Variants in GRID2 observed in about 807,000 individuals in gnomAD.
GRID2 encodes the protein glutamate ionotropic receptor delta type subunit 2.
In GRID2, 33 loss-of-function variants were observed where a neutral mutation model predicts 114.8. The ratio of observed to expected loss-of-function variants is 0.29; its 90% CI spans 0.22 to 0.38. The LOEUF (loss-of-function observed/expected upper bound fraction) is 0.38, where lower values mean the gene tolerates loss of function less well. GRID2 is among the 10% of genes least tolerant of loss of function. GRID2 has a pLI of 1.00. For synonymous variants in GRID2, 505 were observed against 449.9 expected, an observed-to-expected ratio of 1.12 and a Z score of -1.55; for missense variants, 1,184 against 1,257.7, an observed-to-expected ratio of 0.94 and a Z score of 0.89.
At chr4:92,928,537 G>A (rs1485857881) in intron 2 of GRID2, among the ~76,000 whole-genome samples, 1 of 151,562 alleles carries the variant, frequency 6.6e-6, no homozygotes, top group Non-Finnish European at 1.5e-5. Context: ...TAGTTCTGCA[G>A]CATAATATAT....
chr4:92,367,864 G>A (rs192594912), intron 1 of GRID2, among the ~76,000 whole-genome samples: 1 of 152,166 alleles, frequency 6.6e-6, no homozygotes, highest in African/African-American at 2.4e-5. Context: ...TATATAACTT[G>A]TCTTCTTAGA....
intron 2 of GRID2, among the ~76,000 whole-genome samples, chr4:92,927,291 C>G (rs1272819500): frequency 6.6e-6 from 1 of 151,850 alleles, no homozygotes. Context: ...AACTGTGAAT[C>G]TGATGTTTTA....
At chr4:92,558,500 T>C (rs1189187356) in intron 1 of GRID2, among the ~76,000 whole-genome samples, 1 of 152,178 alleles carries the variant, frequency 6.6e-6, no homozygotes, top group Non-Finnish European at 1.5e-5. Context: ...TGAAATTCAC[T>C]CCACCTGAAA....
chr4:92,954,291 C>T (rs1007162935), intron 2 of GRID2, among the ~76,000 whole-genome samples: 14 of 151,986 alleles, frequency 9.2e-5, no homozygotes, highest in Non-Finnish European at 1.8e-4. Context: ...ATGCACACAT[C>T]AACTTTTTGG....
At chr4:92,376,579 A>G (rs1215226729) in intron 1 of GRID2, among the ~76,000 whole-genome samples, 3 of 152,122 alleles carry the variant, frequency 2.0e-5, no homozygotes, top group Non-Finnish European at 4.4e-5. Flanking sequence ...GTGCCCCATT[A>G]GGGACTCTGT....
intron 3 of GRID2, among the ~76,000 whole-genome samples, chr4:93,101,948 CA>C (rs1731744271): frequency 6.6e-6 from 1 of 151,966 alleles, no homozygotes; most frequent in Admixed American, 6.6e-5. Flanking sequence ...ATTAAAATAT[CA>C]TTTCCTGTTT....
chr4:93,011,567 C>T (rs1317617390), intron 2 of GRID2, among the ~76,000 whole-genome samples: 2 of 152,010 alleles, frequency 1.3e-5, no homozygotes, highest in South Asian at 2.1e-4. Context: ...AAATACTTAC[C>T]ATTTCAGAGA....
chr4:93,769,364 G>T lies in GRID2; in HGVS notation c.2515G>T (p.Ala839Ser). 6.2e-7 allele frequency: 1 copy of T among 1,614,038 alleles called. No homozygotes were observed. The highest frequency in any genetic ancestry group is 8.5e-7 in the Non-Finnish European group (1 of 1,179,956). Residue 839 changes from alanine to serine, a missense_variant, in exon 15 of 16, where the codon GCT becomes TCT. Ala to Ser is a moderately conservative substitution (Grantham distance 99, BLOSUM62 1). This residue lies in a region of GRID2 where 717 missense variants were observed against 796.9 expected (regional missense o/e 0.90). Transcript: ENST00000282020. The stretch of plus-strand genomic sequence containing the variant: ...CTTTGCAGGGGTCTTTTGTATCCTG[G>T]CTGCTGGAATTGTCCTCTCCTGCTT... ...KSFAGVFCIL[A>S]AGIVLSCFIA... is the part of the protein sequence containing the mutation.
At position 92,599,028 on chromosome 4, in the gene GRID2, CTT is replaced by C. The variant is rs79836874; in HGVS notation, c.244+8762_244+8763del. Among the ~76,000 whole-genome samples the C allele has an allele frequency of 5.7e-3, 654 of 115,230 alleles. 7 individuals carry two copies. The highest frequency in any genetic ancestry group is 0.02 in the African/African-American group (592 of 29,568). 75.6% of individuals were successfully genotyped at this position (115,230 alleles called of 152,430 possible). A position where few individuals can be genotyped will look rare whatever the true frequency, so the allele number is the denominator to read the frequency against. ...AAATATATATAATGAAATGCTTTTCCTTTTTTTTTTTTTTTTTTTTTCCTGTC... is the reference window on the plus strand; with the variant it reads ...AAATATATATAATGAAATGCTTTTCCTTTTTTTTTTTTTTTTTTTCCTGTC... On this transcript the variant is annotated intron_variant, in intron 2 of 15. Transcript: ENST00000282020.
At chr4:92,817,121 C>A (rs2149383633) in intron 2 of GRID2, among the ~76,000 whole-genome samples, 1 of 152,174 alleles carries the variant, frequency 6.6e-6, no homozygotes, top group East Asian at 1.9e-4. Context: ...ATCCAGCTGG[C>A]CACTAAGTCA....
chr4:92,901,225 C>G (rs1747560568), intron 2 of GRID2, among the ~76,000 whole-genome samples: 1 of 152,124 alleles, frequency 6.6e-6, no homozygotes, highest in Non-Finnish European at 1.5e-5. Flanking sequence ...TCTCCACATC[C>G]TTGCCAAAAT....
At chr4:93,055,118 T>C (rs1165488251) in intron 2 of GRID2, among the ~76,000 whole-genome samples, 2 of 151,946 alleles carry the variant, frequency 1.3e-5, no homozygotes, top group South Asian at 2.1e-4. Flanking sequence ...ACTTTAATCC[T>C]TTATTTACAT....
At chr4:93,357,685 A>G (rs1330406696) in intron 8 of GRID2, among the ~76,000 whole-genome samples, 1 of 151,558 alleles carries the variant, frequency 6.6e-6, no homozygotes, top group Non-Finnish European at 1.5e-5. Context: ...TTGCAGCAAT[A>G]TAGTTTATAT....
intron 2 of GRID2, among the ~76,000 whole-genome samples, chr4:92,640,147 T>C (rs1268625840): frequency 1.3e-5 from 2 of 151,788 alleles, no homozygotes; most frequent in Middle Eastern, 3.2e-3. Flanking sequence ...TAATACCGTT[T>C]TACACAAAAT....
intron 2 of GRID2, among the ~76,000 whole-genome samples, chr4:92,842,463 C>A (rs191008470): frequency 2.0e-5 from 3 of 152,108 alleles, no homozygotes; most frequent in African/African-American, 7.2e-5. Flanking sequence ...ATTTCATATG[C>A]TTACTGAAAA....
intron 2 of GRID2, among the ~76,000 whole-genome samples, chr4:93,040,847 C>T (rs1053746644): frequency 2.6e-5 from 4 of 151,934 alleles, no homozygotes; most frequent in East Asian, 1.9e-4. Flanking sequence ...TCGAGGTCGG[C>T]GAATTTACAA....
At chr4:92,986,119 G>A (rs551418319) in intron 2 of GRID2, among the ~76,000 whole-genome samples, 58 of 152,248 alleles carry the variant, frequency 3.8e-4, no homozygotes, top group African/African-American at 1.3e-3. Context: ...AATCTGGTTT[G>A]CATTGATCAG....
intron 1 of GRID2, among the ~76,000 whole-genome samples, chr4:92,515,464 G>A (rs2149135141): frequency 6.6e-6 from 1 of 151,858 alleles, no homozygotes; most frequent in East Asian, 2.0e-4. Context: ...TTTTTCACTT[G>A]TTAATTTATT....
intron 1 of GRID2, among the ~76,000 whole-genome samples, chr4:92,407,282 A>G (rs1472823671): frequency 6.6e-6 from 1 of 152,194 alleles, no homozygotes; most frequent in Non-Finnish European, 1.5e-5. Context: ...ATATCACTAC[A>G]TAATATTCCA....
Sources: allele counts gnomAD v4.1 joint callset (sites outside exome capture counted in the v4.1 genomes callset), GRCh38; gene constraint gnomAD v4.1.1; regional missense constraint gnomAD v4.1.1; transcripts MANE v1.5; gene names NCBI Gene and HGNC (gene_info 2026-07-23, HGNC 2026-07-21).